Variants in KDM5A observed in about 807,000 individuals in gnomAD.
KDM5A encodes the protein lysine demethylase 5A.
A neutral mutation model predicts 193.5 loss-of-function variants in KDM5A; 42 were observed. The ratio of observed to expected loss-of-function variants is 0.22; its 90% CI spans 0.17 to 0.28. The LOEUF is 0.28. Ranked by LOEUF, KDM5A falls within the 10% of genes least tolerant of loss-of-function variation. KDM5A has a pLI of 1.00. For missense variants in KDM5A, 1,692 were observed against 2,055.1 expected, an observed-to-expected ratio of 0.82 and a Z score of 3.42; for synonymous variants, 796 against 718.1, an observed-to-expected ratio of 1.11 and a Z score of -1.73.
At chr12:331,051 A>T (rs575128837) in intron 13 of KDM5A, among the ~76,000 whole-genome samples, 4 of 152,168 alleles carry the variant, frequency 2.6e-5, no homozygotes, top group African/African-American at 9.6e-5. Flanking sequence ...TAGCGCAGAG[A>T]TCTCAATATT....
At chr12:369,927 T>G (rs1001979632) in intron 3 of KDM5A, among the ~76,000 whole-genome samples, 2 of 152,226 alleles carry the variant, frequency 1.3e-5, no homozygotes, top group African/African-American at 4.8e-5. Flanking sequence ...TGGTGATTAG[T>G]AGCAGCCAGG....
chr12:309,185 A>G (rs188559023), intron 22 of KDM5A, among the ~76,000 whole-genome samples: 2 of 152,380 alleles, frequency 1.3e-5, no homozygotes, highest in Admixed American at 1.3e-4. Flanking sequence ...TAACATCTTT[A>G]CGTTCAGTGT....
Position 334,220 on chromosome 12 carries a change from T to C in KDM5A, c.1490+21A>G, listed in dbSNP as rs763163399. On this transcript the variant is annotated intron_variant, in intron 11 of 27. Transcript: ENST00000399788. The stretch of plus-strand genomic sequence containing the variant: ...AGACTTTAGTAGAGTTCATGCATGC[T>C]GTATTTTAGACTGTACATACCAGTG... The C allele has an allele frequency of 1.4e-5, 22 of 1,605,106 alleles. No homozygotes were observed. In the Admixed American group the frequency reaches 3.2e-4, roughly 23 times the overall value.
In KDM5A at chr12:355,538, C is replaced by T. The variant is rs530253671; in HGVS notation, c.779-289G>A. 1.1e-4 allele frequency among the ~76,000 whole-genome samples: 17 copies of T among 152,326 alleles called. No individual in the cohort carries two copies. The South Asian group carries it at 3.5e-3, about 32-fold the overall frequency. ...ATGTGTATGCAGTACGTACTACATA[C>T]AACCTGCAGGTATTACTTGGAGGAA... On this transcript the variant is annotated intron_variant, in intron 6 of 27. Transcript: ENST00000399788.
At position 310,901 on chromosome 12, in the gene KDM5A, C is replaced by T; in HGVS notation, c.3200G>A (p.Ser1067Asn). Residue 1067 changes from serine (S) to asparagine (N), a missense_variant, in exon 21 of 28, where the codon AGC becomes AAC. Around this residue, in one of 11 missense-constraint regions of KDM5A, gnomAD observed 965 missense variants for 1,061.0 expected, o/e 0.91. Coordinates refer to ENST00000399788, the MANE Select transcript of KDM5A (RefSeq NM_001042603.3). ...TTCAAGTACCTGTAACAATGTATGG[C>T]TAGAATTCTTCTTAAGAAACGTCCG... The part of the protein sequence containing the change: ...TGRTFLKKNS[S>N]HTLLQVLSPR... 1 of 1,614,200 alleles carries T rather than the reference C, an allele frequency of 6.2e-7. No individual in the cohort carries two copies. Among genetic ancestry groups the T allele is most frequent in the Non-Finnish European group, 8.5e-7 (1 of 1,180,022 alleles).
At chr12:387,791 A>C (rs1376924731) in intron 1 of KDM5A, among the ~76,000 whole-genome samples, 1 of 152,174 alleles carries the variant, frequency 6.6e-6, no homozygotes, top group Non-Finnish European at 1.5e-5. Context: ...TAGGTGTTAA[A>C]TTAGTTCCTC....
At chr12:369,935 AG>A (rs1376263518) in intron 3 of KDM5A, among the ~76,000 whole-genome samples, 19 of 152,250 alleles carry the variant, frequency 1.2e-4, no homozygotes, top group African/African-American at 4.3e-4. Context: ...AGTAGCAGCC[AG>A]GATACGGCCA....
chr12:377,054 A>T (rs1000389828), intron 3 of KDM5A, among the ~76,000 whole-genome samples: 2 of 151,894 alleles, frequency 1.3e-5, no homozygotes, highest in African/African-American at 4.8e-5. Context: ...AAGTCTTAAG[A>T]AGTAGCAGCA....
At chr12:352,886 T>C (rs563913478) in intron 8 of KDM5A, among the ~76,000 whole-genome samples, 6 of 152,280 alleles carry the variant, frequency 3.9e-5, no homozygotes, top group Middle Eastern at 3.4e-3. Context: ...TAAAAGACCT[T>C]TGAATGCATT....
At chr12:359,764 G>A in intron 5 of KDM5A, among the ~76,000 whole-genome samples, 1 of 146,226 alleles carries the variant, frequency 6.8e-6, no homozygotes, top group East Asian at 2.1e-4. Flanking sequence ...AGGGTGGGGG[G>A]GAGTGGGAGG....
chr12:384,229 C>T, intron 2 of KDM5A, 76 bp from the exon 3 acceptor site: 10 of 1,091,426 alleles, frequency 9.2e-6, no homozygotes, highest in Non-Finnish European at 1.4e-5. Context: ...GTCCCCAAAC[C>T]CCAGGATGTG....
In KDM5A at chr12:352,194, A is replaced by C; in HGVS notation, c.1149+11T>G. ...ACCTCCCCGGACCGACCTAAAAGAT[A>C]GCTTACTCACATGGACTGGCATATT... On this transcript the variant is annotated intron_variant, in intron 9 of 27. Coordinates refer to ENST00000399788, the MANE Select transcript of KDM5A (RefSeq NM_001042603.3). The C allele has an allele frequency of 6.2e-7, 1 of 1,610,548 alleles. No homozygotes were observed. Among genetic ancestry groups the C allele is most frequent in the South Asian group, 1.1e-5 (1 of 91,040 alleles).
chr12:340,314 C>T (rs1406407011), intron 10 of KDM5A, among the ~76,000 whole-genome samples: 1 of 152,120 alleles, frequency 6.6e-6, no homozygotes, highest in Non-Finnish European at 1.5e-5. Flanking sequence ...ATTTTGAAAG[C>T]AAATCCATTA....
chr12:325,097 T>C (rs1466027619), intron 14 of KDM5A, among the ~76,000 whole-genome samples: 2 of 152,246 alleles, frequency 1.3e-5, no homozygotes, highest in Non-Finnish European at 2.9e-5. Context: ...CTGTTTTTGA[T>C]ATCAGTTTAA....
At chr12:310,840 T>C in intron 21 of KDM5A, 45 bp downstream of exon 21, 1 of 1,579,320 alleles carries the variant, frequency 6.3e-7, no homozygotes, top group East Asian at 2.2e-5. Context: ...ATACTATTAC[T>C]ACTTAAATTA....
intron 3 of KDM5A, among the ~76,000 whole-genome samples, chr12:374,127 G>A (rs1240895168): frequency 1.3e-5 from 2 of 152,102 alleles, no homozygotes; most frequent in Non-Finnish European, 2.9e-5. Flanking sequence ...TTCAATTCCT[G>A]GATATCCTTG....
At chr12:292,733 C>G in intron 27 of KDM5A, 26 bp downstream of exon 27, 1 of 1,614,130 alleles carries the variant, frequency 6.2e-7, no homozygotes, top group South Asian at 1.1e-5. Context: ...ACCTCTCATG[C>G]TTGACTATAA....
chr12:297,876 C>T (rs1943393039), intron 24 of KDM5A, among the ~76,000 whole-genome samples: 1 of 152,162 alleles, frequency 6.6e-6, no homozygotes, highest in Admixed American at 6.5e-5. Flanking sequence ...GAAAAAGCAG[C>T]CAGACCTCGT....
intron 14 of KDM5A, among the ~76,000 whole-genome samples, chr12:328,338 A>G (rs984473763): frequency 1.3e-5 from 2 of 152,226 alleles, no homozygotes; most frequent in Admixed American, 6.5e-5. Flanking sequence ...GATGATGCTG[A>G]AGATACACAT....
Sources: allele counts gnomAD v4.1 joint callset (sites outside exome capture counted in the v4.1 genomes callset), GRCh38; gene constraint gnomAD v4.1.1; regional missense constraint gnomAD v4.1.1; transcripts MANE v1.5; gene names NCBI Gene and HGNC (gene_info 2026-07-23, HGNC 2026-07-21).